The following NLRP3 variants were observed in gnomAD, a reference collection of about 807,000 sequenced individuals.
NLRP3 encodes the protein NLR family pyrin domain containing 3.
In NLRP3, 48 loss-of-function variants were observed where a neutral mutation model predicts 91.3. That is an observed-to-expected ratio of 0.53 (90% CI 0.42 to 0.67). NLRP3 has a LOEUF of 0.67. Ranked by LOEUF, NLRP3 falls within the 30% of genes least tolerant of loss-of-function variation. The pLI, the probability that NLRP3 is intolerant of heterozygous loss-of-function variation, is 0.00. For synonymous variants in NLRP3, 561 were observed against 507.9 expected (o/e 1.10, Z -1.41); for missense variants, 982 against 1,276.9 (o/e 0.77, Z 3.52).
At chr1:247,438,381 T>G (rs1487934116) in intron 7 of NLRP3, among the ~76,000 whole-genome samples, 4 of 110,938 alleles carry the variant, frequency 3.6e-5, no homozygotes, top group African/African-American at 7.6e-5. Flanking sequence ...TAGTTGTGTT[T>G]TTTTTTTTTT....
rs201867582 is a variant in NLRP3 at position 247,436,088 on chromosome 1, G to T, written c.2611G>T (p.Ala871Ser). ...GAATGCCTTGGGAGACTCAGGAGTC[G>T]CAATTTTATGTGAAAAAGCCAAGAA... ...GENALGDSGV[A>S]ILCEKAKNPQ... Residue 871 changes from alanine to serine, a missense_variant, in exon 7 of 10, where the codon GCA (alanine) becomes TCA (serine). By Grantham distance (99) the Ala-to-Ser change is moderately conservative. Coordinates refer to ENST00000336119, the MANE Select transcript of NLRP3 (RefSeq NM_001243133.2). 7 of 1,614,092 alleles carry T rather than the reference G, an allele frequency of 4.3e-6. No homozygotes were observed. In the Admixed American group the frequency reaches 6.7e-5, roughly 15 times the overall value.
chr1:247,442,928 A>G (rs751255008), intron 7 of NLRP3, among the ~76,000 whole-genome samples: 22 of 151,852 alleles, frequency 1.4e-4, no homozygotes, highest in Non-Finnish European at 2.4e-4. Flanking sequence ...GGCTTTTTCT[A>G]TTTATTTATT....
At chr1:247,448,265 C>T (rs1664728356) in intron 9 of NLRP3, 140 bp from the exon 10 acceptor site, 2 of 608,010 alleles carry the variant, frequency 3.3e-6, no homozygotes, top group Non-Finnish European at 5.8e-6. Flanking sequence ...AGTTGTGGTC[C>T]CTCTTTTTTT....
chr1:247,435,454 G>GAT (rs1663714043), intron 6 of NLRP3, among the ~76,000 whole-genome samples: 1 of 152,184 alleles, frequency 6.6e-6, no homozygotes, highest in Admixed American at 6.5e-5. Flanking sequence ...TGCTAAGTAA[G>GAT]ATAAGCTAGA....
In NLRP3 at chr1:247,424,109, G is replaced by A. The variant is rs1662678640; in HGVS notation, c.660G>A (p.Val220=). ...AGCATTCTGAGCCTGTGCACACCGT[G>A]GTGTTCCAGGGGGCGGCAGGGATTG... ...DDEHSEPVHT[V]VFQGAAGIGK... The change falls in exon 4 of 10, where the codon GTG becomes GTA. Residue 220 remains valine (V), a synonymous_variant. Transcript: ENST00000336119. This position sits in a 1 kb window ranked among gnomAD's most constrained non-coding sequence, Gnocchi z 8.1. 6.2e-7 allele frequency: 1 copy of A among 1,613,960 alleles called. No homozygotes were observed.
chr1:247,445,072 C>T (rs1416385622), intron 9 of NLRP3, among the ~76,000 whole-genome samples: 1 of 152,234 alleles, frequency 6.6e-6, no homozygotes, highest in Non-Finnish European at 1.5e-5. Flanking sequence ...AACACAAGCC[C>T]TCATGCGATC....
chr1:247,427,240 C>A (rs1662957274), intron 4 of NLRP3, among the ~76,000 whole-genome samples: 1 of 152,194 alleles, frequency 6.6e-6, no homozygotes, highest in African/African-American at 2.4e-5. Flanking sequence ...ACCCTCATAA[C>A]TTAACCACAC....
chr1:247,425,010 A>C lies in NLRP3; in HGVS notation c.1561A>C (p.Met521Leu). ...DCEKFYSFIH[M>L]TFQEFFAAMY... Reference sequence around the variant, plus strand: ...CGAGAAGTTCTACAGCTTCATCCACATGACTTTCCAGGAGTTCTTTGCCGC... The same window carrying C: ...CGAGAAGTTCTACAGCTTCATCCACCTGACTTTCCAGGAGTTCTTTGCCGC... Residue 521 changes from methionine (M) to leucine (L), a missense_variant, in exon 4 of 10, where the codon ATG (methionine) becomes CTG (leucine). Transcript: ENST00000336119. This position sits in a 1 kb window ranked among gnomAD's most constrained non-coding sequence, Gnocchi z 4.1. The C allele has an allele frequency of 1.2e-6, 2 of 1,614,222 alleles. No individual in the cohort carries two copies. The highest frequency in any genetic ancestry group is 1.7e-6 in the Non-Finnish European group (2 of 1,180,032).
intron 4 of NLRP3, among the ~76,000 whole-genome samples, chr1:247,428,190 A>G (rs144367916): frequency 7.1e-4 from 105 of 147,566 alleles, no homozygotes; most frequent in African/African-American, 2.6e-3. Context: ...CTGAGGACAG[A>G]CTCTGACGGG....
At chr1:247,417,390 GA>G (rs1662134432) in intron 1 of NLRP3, among the ~76,000 whole-genome samples, 1 of 152,212 alleles carries the variant, frequency 6.6e-6, no homozygotes, top group African/African-American at 2.4e-5. Context: ...CTAGCCTGTG[GA>G]AAGCTCTAAA....
At position 247,434,227 on chromosome 1, in the gene NLRP3, C is replaced by G. The variant is rs1558201155; in HGVS notation, c.2446C>G (p.Leu816Val). The G allele has an allele frequency of 1.2e-6, 2 of 1,614,244 alleles. No individual in the cohort carries two copies. Among genetic ancestry groups the G allele is most frequent in the South Asian group, 2.2e-5 (2 of 91,084 alleles). ...NALGDFGIRL[L>V]CVGLKHLLCN... ...CCTCGGTGACTTCGGAATCAGACTTCTGTGTGTGGGACTGAAGCACCTGTT... is the reference window on the plus strand; with the variant it reads ...CCTCGGTGACTTCGGAATCAGACTTGTGTGTGTGGGACTGAAGCACCTGTT... Residue 816 changes from leucine (L) to valine (V), a missense_variant, in exon 6 of 10, where the codon CTG becomes GTG. Around this residue, in one of 5 missense-constraint regions of NLRP3, gnomAD observed 373 missense variants for 431.5 expected, o/e 0.86. Coordinates refer to ENST00000336119, the MANE Select transcript of NLRP3 (RefSeq NM_001243133.2).
chr1:247,427,596 C>T (rs1662988279), intron 4 of NLRP3, among the ~76,000 whole-genome samples: 2 of 151,820 alleles, frequency 1.3e-5, no homozygotes, highest in Non-Finnish European at 2.9e-5. Context: ...ACCTGCCTTA[C>T]TCTGAGGACA....
intron 4 of NLRP3, among the ~76,000 whole-genome samples, chr1:247,427,665 C>T (rs973098180): frequency 6.8e-6 from 1 of 146,184 alleles, no homozygotes; most frequent in African/African-American, 2.5e-5. Flanking sequence ...TAGCACCTTC[C>T]TTCCTCTGAG....
In NLRP3 at chr1:247,423,935, C is replaced by T; in HGVS notation, c.486C>T (p.Leu162=). ...RNARLGESVS[L]NKRYTRLRLI... ...CCCGTCTGGGTGAGAGTGTGAGCCT[C>T]AACAAACGCTACACACGACTGCGTC... Residue 162 remains leucine, a synonymous_variant, in exon 4 of 10, where the codon CTC becomes CTT. Coordinates refer to ENST00000336119, the MANE Select transcript of NLRP3 (RefSeq NM_001243133.2). 2 of 1,613,992 alleles carry T rather than the reference C, an allele frequency of 1.2e-6. No homozygotes were observed. The highest frequency in any genetic ancestry group is 1.7e-6 in the Non-Finnish European group (2 of 1,180,008).
intron 7 of NLRP3, among the ~76,000 whole-genome samples, chr1:247,438,318 C>G (rs1254257989): frequency 2.0e-5 from 3 of 151,534 alleles, no homozygotes; most frequent in African/African-American, 7.3e-5. Context: ...TTCCCCCTCC[C>G]TGGATCCTGC....
At chr1:247,421,344 G>C (rs952312134) in intron 2 of NLRP3, among the ~76,000 whole-genome samples, 4 of 152,242 alleles carry the variant, frequency 2.6e-5, no homozygotes, top group Non-Finnish European at 4.4e-5. Context: ...GAAACCAGTT[G>C]CTGCAATGGC....
In NLRP3 at chr1:247,431,157, C is replaced by G. The variant is rs180727122; in HGVS notation, c.2321+1402C>G. ...CGAGATCGTGCCATTGCACTCCAGC[C>G]TGGGTGACAGAGCGAGATTCCATTT... On this transcript the variant is annotated intron_variant, in intron 5 of 9. Coordinates refer to ENST00000336119, the MANE Select transcript of NLRP3 (RefSeq NM_001243133.2). 2.3e-3 allele frequency among the ~76,000 whole-genome samples: 347 copies of G among 151,984 alleles called. 1 individual carries two copies. The highest frequency in any genetic ancestry group is 8.2e-3 in the African/African-American group (339 of 41,386).
rs1423628362 is a variant in NLRP3, at chr1:247,448,638, G to C, written c.*134G>C. ...CCTTCCGGTGGAGTGTCGGAGAAGA[G>C]AGCTTGCCGACGATGCCTTCCTGTG... On this transcript the variant is annotated 3_prime_UTR_variant, in exon 10 of 10. Coordinates refer to ENST00000336119, the MANE Select transcript of NLRP3 (RefSeq NM_001243133.2). 1.1e-5 allele frequency: 8 copies of C among 718,322 alleles called. No individual in the cohort carries two copies. In the East Asian group the frequency reaches 1.3e-4, roughly 12 times the overall value. The allele number at this position is 718,322 out of a possible 1,614,324, so 44.5% of individuals were successfully genotyped here.
chr1:247,425,367 T>G lies in NLRP3; in HGVS notation c.1918T>G (p.Phe640Val), dbSNP rs1024570390. Residue 640 changes from phenylalanine (F) to valine (V), a missense_variant, in exon 4 of 10, where the codon TTC (phenylalanine) becomes GTC (valine). This residue lies in a region of NLRP3 where 373 missense variants were observed against 431.5 expected (regional missense o/e 0.86). Transcript: ENST00000336119. The surrounding 1 kb of genome is among the most constrained non-coding windows in gnomAD (Gnocchi z 4.1). The stretch of plus-strand genomic sequence containing the variant: ...TTTGTACGAGATGCAGGAGGAGGAC[T>G]TCGTGCAAAGGGCCATGGACTATTT... The part of the protein sequence containing the change: ...YCLYEMQEED[F>V]VQRAMDYFPK... 2.5e-6 allele frequency: 4 copies of G among 1,614,050 alleles called. No individual in the cohort carries two copies. The African/African-American group carries it at 5.3e-5, about 22-fold the overall frequency.
Sources: gnomAD v4.1 joint callset for allele counts (sites outside exome capture counted in the v4.1 genomes callset) on GRCh38, gnomAD v4.1.1 for gene constraint, gnomAD v4.1.1 regional missense constraint, Gnocchi (gnomAD v3.1) non-coding constraint, MANE v1.5 for transcripts, NCBI Gene and HGNC (gene_info 2026-07-23, HGNC 2026-07-21) for gene names.